Variants in SCIN observed in about 807,000 individuals in gnomAD.
SCIN encodes scinderin.
A neutral mutation model predicts 91.8 loss-of-function variants in SCIN; 91 were observed. The observed-to-expected ratio is 0.99, with a 90% CI of 0.84 to 1.18. The LOEUF (loss-of-function observed/expected upper bound fraction) is 1.18. Among genes scored for constraint, SCIN ranks in the 50% most tolerant of loss-of-function variants. The probability of loss-of-function intolerance (pLI) is 0.00; values close to 1 mark genes in which losing one functional copy is unlikely to be tolerated. For missense variants in SCIN, 1,087 were observed against 863.9 expected, an observed-to-expected ratio of 1.26 and a Z score of -3.24; for synonymous variants, 367 against 312.6, an observed-to-expected ratio of 1.17 and a Z score of -1.84.
intron 3 of SCIN, among the ~76,000 whole-genome samples, chr7:12,584,548 A>G (rs1782550078): frequency 2.6e-5 from 4 of 152,190 alleles, no homozygotes; most frequent in Admixed American, 2.6e-4. Flanking sequence ...CCTCAGCCTG[A>G]GGCATAAGAT....
chr7:12,603,298 C>G (rs1018548298), intron 3 of SCIN, among the ~76,000 whole-genome samples: 1 of 152,072 alleles, frequency 6.6e-6, no homozygotes, highest in African/African-American at 2.4e-5. Flanking sequence ...GTGCCCGCCA[C>G]TACACCTGGC....
At chr7:12,645,601 C>A (rs1181349109) in intron 13 of SCIN, among the ~76,000 whole-genome samples, 1 of 152,074 alleles carries the variant, frequency 6.6e-6, no homozygotes, top group Non-Finnish European at 1.5e-5. Flanking sequence ...GGTATTAAGC[C>A]TAGTATCCAT....
chr7:12,589,859 A>G (rs1295230532), intron 3 of SCIN, among the ~76,000 whole-genome samples: 1 of 152,154 alleles, frequency 6.6e-6, no homozygotes, highest in African/African-American at 2.4e-5. Context: ...GGGCGTCCGT[A>G]TATTAACTCA....
At chr7:12,574,492 C>A (rs1782329972) in intron 1 of SCIN, among the ~76,000 whole-genome samples, 1 of 152,044 alleles carries the variant, frequency 6.6e-6, no homozygotes, top group Non-Finnish European at 1.5e-5. Context: ...TGAATTTACA[C>A]ATGTGATAAA....
Position 12,651,899 on chromosome 7 carries a change from C to A in SCIN, c.2018C>A (p.Ser673Tyr). The change falls in exon 15 of 16, where the codon TCT (serine) becomes TAT (tyrosine). Residue 673 changes from serine (S) to tyrosine (Y), a missense_variant and splice_region_variant. Coordinates refer to ENST00000297029, the MANE Select transcript of SCIN (RefSeq NM_001112706.3). The surrounding 1 kb of genome is among the most constrained non-coding windows in gnomAD (Gnocchi z 5.9). ...GTTGAGAAAAAAGAATCTCTGAAGT[C>A]TGGTAAGCTCAATCGATGGACCATT... ...NEVEKKESLK[S>Y]AKMYLETDPS... 6.2e-7 allele frequency: 1 copy of A among 1,601,058 alleles called. No individual in the cohort carries two copies. Among genetic ancestry groups the A allele is most frequent in the South Asian group, 1.1e-5 (1 of 89,340 alleles).
Position 12,651,771 on chromosome 7 carries a change from C to T in SCIN, c.1960-70C>T. ...GAATGAGCAATGTGTGTGTGAAGCACTTTACATAGGGCCTAGCACTGAGTC... is the reference window on the plus strand; with the variant it reads ...GAATGAGCAATGTGTGTGTGAAGCATTTTACATAGGGCCTAGCACTGAGTC... On this transcript the variant is annotated intron_variant, in intron 14 of 15. Transcript: ENST00000297029. The surrounding 1 kb of genome is among the most constrained non-coding windows in gnomAD (Gnocchi z 5.9). The T allele has an allele frequency of 6.0e-6, 6 of 996,150 alleles. No homozygotes were observed. In the South Asian group the frequency reaches 8.8e-5, roughly 15 times the overall value. 61.7% of individuals were successfully genotyped at this position (996,150 alleles called of 1,614,324 possible).
intron 2 of SCIN, among the ~76,000 whole-genome samples, chr7:12,578,776 C>G (rs1287297048): frequency 6.6e-6 from 1 of 151,980 alleles, no homozygotes; most frequent in Non-Finnish European, 1.5e-5. Context: ...TGCAGGTAAA[C>G]TACACACACG....
chr7:12,592,192 G>T (rs377516622), intron 3 of SCIN, among the ~76,000 whole-genome samples: 72 of 152,164 alleles, frequency 4.7e-4, no homozygotes, highest in African/African-American at 1.7e-3. Context: ...CATCCTTCAG[G>T]TCAATTGCAG....
intron 1 of SCIN, among the ~76,000 whole-genome samples, chr7:12,576,670 A>G (rs1782378507): frequency 6.6e-6 from 1 of 152,122 alleles, no homozygotes; most frequent in Non-Finnish European, 1.5e-5. Flanking sequence ...GTTTTTAAGA[A>G]CCTGTGCTTC....
intron 4 of SCIN, among the ~76,000 whole-genome samples, chr7:12,611,929 TA>T (rs11287451): frequency 0.57 from 83,272 of 145,110 alleles, 23,552 homozygotes; most frequent in Admixed American, 0.68. Context: ...TCTCTTAAAA[TA>T]AAAAAAAAAA....
At chr7:12,625,883 T>A in intron 7 of SCIN, 33 bp downstream of exon 7, 1 of 1,486,584 alleles carries the variant, frequency 6.7e-7, no homozygotes, top group Non-Finnish European at 9.3e-7. Flanking sequence ...TAGAAAAAAA[T>A]AGAAAACATT....
At chr7:12,589,685 C>G (rs889725207) in intron 3 of SCIN, 3 of 152,158 alleles carry the variant, frequency 2.0e-5, no homozygotes, top group Non-Finnish European at 4.4e-5. Flanking sequence ...CTTAAAGAGT[C>G]TTTTGGAATT....
intron 11 of SCIN, 53 bp downstream of exon 11, chr7:12,640,570 C>T: frequency 7.0e-7 from 1 of 1,435,858 alleles, no homozygotes; most frequent in South Asian, 1.6e-5. Flanking sequence ...TCCCAATGGA[C>T]CTGAGCCATC....
intron 8 of SCIN, among the ~76,000 whole-genome samples, chr7:12,627,110 A>ACG (rs1200381390): frequency 6.6e-6 from 1 of 151,950 alleles, no homozygotes; most frequent in Non-Finnish European, 1.5e-5. Context: ...ACACACACAC[A>ACG]CACATAAATG....
intron 1 of SCIN, among the ~76,000 whole-genome samples, chr7:12,572,254 A>G (rs1030916077): frequency 1.5e-4 from 23 of 152,226 alleles, no homozygotes; most frequent in African/African-American, 2.7e-4. Flanking sequence ...TAGCTTGAGG[A>G]GGCAGAGAAG....
chr7:12,644,972 G>GCCACT (rs796138740), intron 13 of SCIN, among the ~76,000 whole-genome samples: 16 of 134,032 alleles, frequency 1.2e-4, no homozygotes, highest in Non-Finnish European at 6.2e-5. Context: ...CCAAGGTCGC[G>GCCACT]CCACTCCACT....
chr7:12,577,787 T>A, intron 1 of SCIN: 1 of 427,816 alleles, frequency 2.3e-6, no homozygotes, highest in Non-Finnish European at 4.3e-6. Context: ...GCCCCAGAGT[T>A]TGGGGTTACA....
At chr7:12,626,887 C>G (rs941141043) in intron 8 of SCIN, 88 bp downstream of exon 8, 1 of 1,166,646 alleles carries the variant, frequency 8.6e-7, no homozygotes. Context: ...GACAGGAGTT[C>G]GAGATCAGCC....
At chr7:12,641,576 C>T (rs1386096109) in intron 11 of SCIN, among the ~76,000 whole-genome samples, 1 of 152,166 alleles carries the variant, frequency 6.6e-6, no homozygotes, top group Non-Finnish European at 1.5e-5. Context: ...CTTCTCTCTT[C>T]CAGCAGTCTT....
Sources: gnomAD v4.1 joint callset for allele counts (sites outside exome capture counted in the v4.1 genomes callset) on GRCh38, gnomAD v4.1.1 for gene constraint, Gnocchi (gnomAD v3.1) non-coding constraint, MANE v1.5 for transcripts, NCBI Gene and HGNC (gene_info 2026-07-23, HGNC 2026-07-21) for gene names.